Variants in SCHIP1 observed in about 807,000 individuals in gnomAD.
SCHIP1 encodes the protein schwannomin interacting protein 1.
In SCHIP1, 8 loss-of-function variants were observed where a neutral mutation model predicts 29.7. The observed-to-expected ratio is 0.27, with a 90% CI of 0.16 to 0.49. SCHIP1 has a LOEUF of 0.49. Among genes scored for constraint, SCHIP1 ranks in the 20% least tolerant of loss-of-function variants. SCHIP1 has a pLI of 0.99. For synonymous variants in SCHIP1, 76 were observed against 94.9 expected (o/e 0.80, Z 1.16); for missense variants, 193 against 294.6 (o/e 0.66, Z 2.52).
the SCHIP1 span, among the ~76,000 whole-genome samples, chr3:159,823,372 C>T: frequency 1.3e-5 from 2 of 152,162 alleles, no homozygotes; most frequent in South Asian, 2.1e-4. Context: ...AGGTGTCCTA[C>T]AGTTCCTGCA....
At chr3:159,360,867 G>A in the SCHIP1 span, among the ~76,000 whole-genome samples, 3 of 152,096 alleles carry the variant, frequency 2.0e-5, no homozygotes, top group African/African-American at 7.2e-5. Flanking sequence ...TTGTAAGTAA[G>A]AGGCCCTTGT....
chr3:159,280,599 G>A, the SCHIP1 span, among the ~76,000 whole-genome samples: 1 of 152,202 alleles, frequency 6.6e-6, no homozygotes, highest in South Asian at 2.1e-4. Flanking sequence ...TTGGAACACA[G>A]GGTGGCATTA....
At chr3:159,797,063 A>C in the SCHIP1 span, among the ~76,000 whole-genome samples, 3 of 152,212 alleles carry the variant, frequency 2.0e-5, no homozygotes, top group Non-Finnish European at 4.4e-5. Context: ...TATTTTTTAC[A>C]TAAAGGACTG....
chr3:159,639,081 C>G, the SCHIP1 span, among the ~76,000 whole-genome samples: 2 of 151,986 alleles, frequency 1.3e-5, no homozygotes, highest in African/African-American at 4.8e-5. Flanking sequence ...ATTTAAATTT[C>G]TTAAAATCCC....
intron 2 of SCHIP1, among the ~76,000 whole-genome samples, chr3:159,874,786 C>T (rs1223334442): frequency 1.3e-5 from 2 of 152,194 alleles, no homozygotes; most frequent in African/African-American, 4.8e-5. Context: ...CTAGTTCCAA[C>T]TCAGTGAAAT....
chr3:159,896,924 CTTAAT>C (rs1718118020), exon 7 of SCHIP1: 5 of 765,146 alleles, frequency 6.5e-6, no homozygotes, highest in Admixed American at 3.9e-5. Flanking sequence ...GCCTTTGCTT[CTTAAT>C]TTATTTTAAT....
chr3:159,812,069 C>T, the SCHIP1 span, among the ~76,000 whole-genome samples: 3 of 150,634 alleles, frequency 2.0e-5, no homozygotes, highest in Non-Finnish European at 4.4e-5. Flanking sequence ...CTCCTAGGCT[C>T]AAGCGATTCT....
At chr3:159,650,941 T>C in the SCHIP1 span, among the ~76,000 whole-genome samples, 1 of 152,184 alleles carries the variant, frequency 6.6e-6, no homozygotes, top group Non-Finnish European at 1.5e-5. Flanking sequence ...CATTTGAATG[T>C]TGTGTCTGCT....
chr3:159,284,591 C>T, the SCHIP1 span, among the ~76,000 whole-genome samples: 33 of 152,182 alleles, frequency 2.2e-4, no homozygotes, highest in African/African-American at 5.8e-4. Context: ...CGGGTTAAAA[C>T]GATTCTCCTG....
the SCHIP1 span, among the ~76,000 whole-genome samples, chr3:159,376,691 C>T: frequency 6.6e-6 from 1 of 152,110 alleles, no homozygotes; most frequent in African/African-American, 2.4e-5. Flanking sequence ...CTTGGCCAGG[C>T]CTTCTCCCTT....
the SCHIP1 span, among the ~76,000 whole-genome samples, chr3:159,492,764 C>T: frequency 6.6e-6 from 1 of 152,088 alleles, no homozygotes. Flanking sequence ...CACAAAGATA[C>T]TCCTTGAGAA....
the SCHIP1 span, among the ~76,000 whole-genome samples, chr3:159,635,333 TG>T: frequency 3.3e-5 from 5 of 152,002 alleles, no homozygotes; most frequent in Admixed American, 3.3e-4. Context: ...GTGGTAGGGA[TG>T]GGGGGTCTCT....
chr3:159,556,902 A>C, the SCHIP1 span, among the ~76,000 whole-genome samples: 7 of 151,852 alleles, frequency 4.6e-5, no homozygotes, highest in Non-Finnish European at 8.8e-5. Context: ...ATGCACCCTA[A>C]AACTTGAAGT....
chr3:159,446,533 A>ATTGTTGCATTACAGAAATACAG, the SCHIP1 span, among the ~76,000 whole-genome samples: 43 of 140,400 alleles, frequency 3.1e-4, no homozygotes, highest in African/African-American at 1.3e-3. Context: ...CAGCAATACA[A>ATTGTTGCATTACAGAAATACAG]TATTGTTGCA....
At chr3:159,877,087 G>A (rs978344894) in intron 2 of SCHIP1, among the ~76,000 whole-genome samples, 4 of 152,298 alleles carry the variant, frequency 2.6e-5, no homozygotes, top group South Asian at 4.1e-4. Flanking sequence ...AGTGGCTCAC[G>A]CCTGTAATCC....
At chr3:159,550,369 C>T in the SCHIP1 span, among the ~76,000 whole-genome samples, 2 of 151,932 alleles carry the variant, frequency 1.3e-5, no homozygotes, top group South Asian at 2.1e-4. Flanking sequence ...CCTTTTAGTT[C>T]TGATTTTTTG....
chr3:159,714,366 T>C, the SCHIP1 span, among the ~76,000 whole-genome samples: 1 of 152,164 alleles, frequency 6.6e-6, no homozygotes, highest in Non-Finnish European at 1.5e-5. Flanking sequence ...GGTACCGGGT[T>C]CACTGGGGCT....
chr3:159,324,568 G>C, the SCHIP1 span, among the ~76,000 whole-genome samples: 1 of 152,008 alleles, frequency 6.6e-6, no homozygotes, highest in Admixed American at 6.6e-5. Flanking sequence ...CCCAGGCCAG[G>C]GAAGTTATTG....
At chr3:159,631,919 C>G in the SCHIP1 span, among the ~76,000 whole-genome samples, 3 of 152,182 alleles carry the variant, frequency 2.0e-5, no homozygotes, top group Middle Eastern at 3.4e-3. Context: ...ATGCACCCCC[C>G]ACCTCATCTC....
Sources: allele counts gnomAD v4.1 joint callset (sites outside exome capture counted in the v4.1 genomes callset), GRCh38; gene constraint gnomAD v4.1.1; transcripts MANE v1.5; gene names NCBI Gene and HGNC (gene_info 2026-07-23, HGNC 2026-07-21).